The following STIM2 variants were observed in gnomAD, a reference collection of about 807,000 sequenced individuals.
STIM2 encodes stromal interaction molecule 2.
STIM2 carries 31 observed loss-of-function variants against 85.8 expected under a neutral mutation model. The observed-to-expected ratio is 0.36, with a 90% CI of 0.27 to 0.49. STIM2 has a LOEUF of 0.49. STIM2 is among the 20% of genes least tolerant of loss of function. The probability of loss-of-function intolerance (pLI) is 0.98; values close to 1 mark genes in which losing one functional copy is unlikely to be tolerated. For missense variants in STIM2, 841 were observed against 927.6 expected, an observed-to-expected ratio of 0.91 and a Z score of 1.21; for synonymous variants, 356 against 331.1, an observed-to-expected ratio of 1.08 and a Z score of -0.82.
Position 27,017,141 on chromosome 4 carries a change from A to T in STIM2, c.1490-570A>T, listed in dbSNP as rs75231070. Among the ~76,000 whole-genome samples the T allele has an allele frequency of 5.3e-5, 8 of 152,322 alleles. No individual in the cohort carries two copies. In the East Asian group the frequency reaches 1.5e-3, roughly 29 times the overall value. On this transcript the variant is annotated intron_variant, in intron 10 of 11. Coordinates refer to ENST00000467087, the MANE Select transcript of STIM2 (RefSeq NM_020860.4). ...CCCACCTGCATGAGTCTCAACTGAG[A>T]CTGGTAGCAGAAATAGTTGGATCTA...
chr4:27,014,470 G>A (rs930985350), intron 10 of STIM2, among the ~76,000 whole-genome samples: 4 of 150,686 alleles, frequency 2.7e-5, no homozygotes, highest in Non-Finnish European at 4.4e-5. Flanking sequence ...AAATATGTAT[G>A]TATGTTTTTT....
At chr4:26,892,353 C>T (rs192357874) in intron 1 of STIM2, among the ~76,000 whole-genome samples, 103 of 152,250 alleles carry the variant, frequency 6.8e-4, no homozygotes, top group African/African-American at 2.4e-3. Flanking sequence ...TTCTGTTTTG[C>T]GGCCATCTTT....
chr4:26,907,381 A>C (rs1056070677), intron 1 of STIM2, among the ~76,000 whole-genome samples: 6 of 152,206 alleles, frequency 3.9e-5, no homozygotes, highest in Non-Finnish European at 7.3e-5. Flanking sequence ...GTTAGCTGTC[A>C]CTTCTCTCTT....
Position 26,860,922 on chromosome 4 carries a change from AC to A in STIM2, c.-295del. On this transcript the variant is annotated 5_prime_UTR_variant, in exon 1 of 12. Coordinates refer to ENST00000467087, the MANE Select transcript of STIM2 (RefSeq NM_020860.4). ...AAGACGCCGTACCTTTCTACCCCCC[AC>A]CTTTTTTTTTTTTTTTTTTAAATAA... is the stretch of plus-strand genomic sequence containing the variant. The A allele has an allele frequency of 1.5e-6, 1 of 682,094 alleles. No homozygotes were observed. The highest frequency in any genetic ancestry group is 1.8e-6 in the Non-Finnish European group (1 of 556,710). 42.3% of individuals were successfully genotyped at this position (682,094 alleles called of 1,614,324 possible). A position where few individuals can be genotyped will look rare whatever the true frequency, so the allele number is the denominator to read the frequency against.
At position 26,917,787 on chromosome 4, in the gene STIM2, A is replaced by G. The variant is rs533390630; in HGVS notation, c.152-1717A>G. ...TTCACTTTGTTCTTTAGCAGATTAAACTATGTGTAAAAAATAGGTCTGCTG... is the reference window on the plus strand; with the variant it reads ...TTCACTTTGTTCTTTAGCAGATTAAGCTATGTGTAAAAAATAGGTCTGCTG... On this transcript the variant is annotated intron_variant, in intron 1 of 11. Coordinates refer to ENST00000467087, the MANE Select transcript of STIM2 (RefSeq NM_020860.4). 2.6e-5 allele frequency among the ~76,000 whole-genome samples: 4 copies of G among 152,268 alleles called. No homozygotes were observed. In the South Asian group the frequency reaches 6.2e-4, roughly 24 times the overall value.
At chr4:26,970,063 A>G (rs998452475) in intron 3 of STIM2, among the ~76,000 whole-genome samples, 6 of 151,348 alleles carry the variant, frequency 4.0e-5, no homozygotes, top group Admixed American at 2.6e-4. Context: ...CCAAAATAAA[A>G]AAAATGAGAA....
At chr4:26,907,283 A>G (rs1724167407) in intron 1 of STIM2, among the ~76,000 whole-genome samples, 1 of 152,214 alleles carries the variant, frequency 6.6e-6, no homozygotes, top group Non-Finnish European at 1.5e-5. Flanking sequence ...CTTAGAACAT[A>G]TAGTTAGAAC....
At chr4:26,980,701 G>T (rs1042283006) in intron 3 of STIM2, among the ~76,000 whole-genome samples, 53 of 152,282 alleles carry the variant, frequency 3.5e-4, no homozygotes, top group African/African-American at 1.2e-3. Context: ...TGTAATCACT[G>T]TGTTTCTAAA....
chr4:26,917,945 G>A (rs1724647931), intron 1 of STIM2, among the ~76,000 whole-genome samples: 1 of 152,080 alleles, frequency 6.6e-6, no homozygotes, highest in South Asian at 2.1e-4. Context: ...GGTCTTGATT[G>A]TTCTGTGAAT....
At chr4:26,900,617 T>G (rs1464636477) in intron 1 of STIM2, among the ~76,000 whole-genome samples, 1 of 152,226 alleles carries the variant, frequency 6.6e-6, no homozygotes, top group Non-Finnish European at 1.5e-5. Context: ...ATAATTTTAG[T>G]AAAATCTTAA....
chr4:26,974,134 G>A lies in STIM2; in HGVS notation c.397+16408G>A, dbSNP rs541583885. Among the ~76,000 whole-genome samples, 34 of 152,000 alleles carry A rather than the reference G, an allele frequency of 2.2e-4. 1 individual carries two copies. In the East Asian group the frequency reaches 3.1e-3, roughly 14 times the overall value. ...ATTTTGAGCCTATGTAAGTCTTTGC[G>A]CGTGCTGTGGGTCTCCTAAATACAG... On this transcript the variant is annotated intron_variant, in intron 3 of 11. Transcript: ENST00000467087.
chr4:26,928,045 A>G (rs955517419), intron 2 of STIM2, among the ~76,000 whole-genome samples: 1 of 151,968 alleles, frequency 6.6e-6, no homozygotes. Flanking sequence ...TCTGATTTCA[A>G]GATGGCTCCT....
chr4:26,984,033 G>T (rs1301433868), intron 3 of STIM2, among the ~76,000 whole-genome samples: 1 of 152,116 alleles, frequency 6.6e-6, no homozygotes, highest in Non-Finnish European at 1.5e-5. Context: ...TTTCTTTATT[G>T]TTATACTTTG....
At chr4:26,980,134 G>C (rs981558771) in intron 3 of STIM2, among the ~76,000 whole-genome samples, 2 of 152,128 alleles carry the variant, frequency 1.3e-5, no homozygotes, top group Non-Finnish European at 2.9e-5. Context: ...TCAGTGTTTA[G>C]TGTAGACTAA....
At chr4:26,974,367 A>T (rs9995206) in intron 3 of STIM2, among the ~76,000 whole-genome samples, 1 of 151,970 alleles carries the variant, frequency 6.6e-6, no homozygotes, top group Non-Finnish European at 1.5e-5. Context: ...TGCAGTGGCT[A>T]GTACCGGTTT....
At chr4:26,980,957 A>T (rs2109113287) in intron 3 of STIM2, among the ~76,000 whole-genome samples, 1 of 152,308 alleles carries the variant, frequency 6.6e-6, no homozygotes, top group South Asian at 2.1e-4. Context: ...ACTTTCTGGC[A>T]CGAAAAGATG....
intron 4 of STIM2, among the ~76,000 whole-genome samples, chr4:26,995,733 G>T (rs1443107178): frequency 1.3e-5 from 2 of 151,854 alleles, no homozygotes; most frequent in African/African-American, 4.8e-5. Flanking sequence ...TCAGAAGATG[G>T]GTCAACTATA....
intron 1 of STIM2, among the ~76,000 whole-genome samples, chr4:26,889,614 G>A (rs1723387659): frequency 6.6e-6 from 1 of 152,310 alleles, no homozygotes; most frequent in South Asian, 2.1e-4. Flanking sequence ...GGGGAACGGT[G>A]CCATATCAGG....
intron 3 of STIM2, among the ~76,000 whole-genome samples, chr4:26,971,621 G>A (rs1286547837): frequency 1.3e-5 from 2 of 152,204 alleles, no homozygotes; most frequent in African/African-American, 4.8e-5. Context: ...TTTGGTACCA[G>A]TACCCTTCTG....
Sources: allele counts gnomAD v4.1 joint callset (sites outside exome capture counted in the v4.1 genomes callset), GRCh38; gene constraint gnomAD v4.1.1; transcripts MANE v1.5; gene names NCBI Gene and HGNC (gene_info 2026-07-23, HGNC 2026-07-21).